TARM1: variants seen among roughly 807,000 people sequenced by gnomAD.
The protein encoded by TARM1 is T cell-interacting, activating receptor on myeloid cells 1.
In TARM1, 24 loss-of-function variants were observed where a neutral mutation model predicts 30.4. The observed-to-expected ratio is 0.79, with a 90% CI of 0.57 to 1.11. TARM1 has a LOEUF of 1.11. Among genes scored for constraint, TARM1 ranks in the 50% least tolerant of loss-of-function variants. The pLI is 0.00. For missense variants in TARM1, 323 were observed against 332.8 expected (o/e 0.97, Z 0.23); for synonymous variants, 129 against 138.9 (o/e 0.93, Z 0.50).
intron 4 of TARM1, among the ~76,000 whole-genome samples, chr19:54,071,164 G>C (rs1286593044): frequency 1.3e-5 from 2 of 152,008 alleles, no homozygotes; most frequent in Non-Finnish European, 2.9e-5. Context: ...CGCCATGTTG[G>C]CCAAACTGGT....
intron 1 of TARM1, among the ~76,000 whole-genome samples, chr19:54,079,801 A>G (rs1420453067): frequency 2.0e-5 from 3 of 151,844 alleles, no homozygotes; most frequent in Admixed American, 2.0e-4. Context: ...GAGGGAGCTC[A>G]AGACCAGCCT....
At position 54,069,948 on chromosome 19, in the gene TARM1, A is replaced by C; in HGVS notation, c.*55T>G. 1 of 1,371,654 alleles carries C rather than the reference A, an allele frequency of 7.3e-7. No homozygotes were observed. The highest frequency in any genetic ancestry group is 1.3e-5 in the South Asian group (1 of 77,476). The allele number at this position is 1,371,654 out of a possible 1,614,324, so 85.0% of individuals were successfully genotyped here. On this transcript the variant is annotated 3_prime_UTR_variant, in exon 5 of 5. Transcript: ENST00000432826. ...ACTTAGAAAGCCTCAACCCCCTGGG[A>C]ATGCAGTCCAGCAGGTTGCAGCCTC...
At chr19:54,080,508 A>AAGGG (rs1555775743) in intron 1 of TARM1, among the ~76,000 whole-genome samples, 1 of 117,396 alleles carries the variant, frequency 8.5e-6, no homozygotes, top group African/African-American at 3.7e-5. Flanking sequence ...GGAAGGAAGG[A>AAGGG]AGGAAGGAAG....
rs140669600 is a variant in TARM1, at chr19:54,076,394, G to A, written c.35-476C>T. ...TCATTCATTCCAGAGACAGAGTTGC[G>A]CTCTGTCGCCCAGGCTGGAGTAGAG... is the stretch of plus-strand genomic sequence containing the variant. On this transcript the variant is annotated intron_variant, in intron 1 of 4. Coordinates refer to ENST00000432826, the MANE Select transcript of TARM1 (RefSeq NM_001135686.3). 3.3e-3 allele frequency: 1,050 copies of A among 315,596 alleles called. 5 individuals carry two copies. The highest frequency in any genetic ancestry group is 0.013 in the Middle Eastern group (12 of 946). 19.5% of individuals were successfully genotyped at this position (315,596 alleles called of 1,614,324 possible). A position where few individuals can be genotyped will look rare whatever the true frequency, so the allele number is the denominator to read the frequency against.
At chr19:54,080,131 G>A (rs2072072725) in intron 1 of TARM1, among the ~76,000 whole-genome samples, 7 of 55,254 alleles carry the variant, frequency 1.3e-4, no homozygotes, top group African/African-American at 2.4e-4. Context: ...AAGGAAGGAA[G>A]GAAGGAAGAA....
chr19:54,070,167 G>C lies in TARM1; in HGVS notation c.659-7C>G. 6.4e-7 allele frequency: 1 copy of C among 1,551,196 alleles called. No homozygotes were observed. The highest frequency in any genetic ancestry group is 8.7e-7 in the Non-Finnish European group (1 of 1,146,674). On this transcript the variant is annotated splice_region_variant and splice_polypyrimidine_tract_variant and intron_variant, in intron 4 of 4. Coordinates refer to ENST00000432826, the MANE Select transcript of TARM1 (RefSeq NM_001135686.3). ...GATGTGGTACCTGGGGGAACTGAAA[G>C]AGAGAAGGGGCTCAGCACTGACCCT...
chr19:54,076,346 C>T (rs2071954932), intron 1 of TARM1: 1 of 847,242 alleles, frequency 1.2e-6, no homozygotes, highest in Admixed American at 3.3e-5. Flanking sequence ...TTCTTTCTTT[C>T]TTTCATTCAT....
chr19:54,072,183 C>T (rs1243421083), intron 4 of TARM1, among the ~76,000 whole-genome samples: 20 of 151,812 alleles, frequency 1.3e-4, no homozygotes, highest in African/African-American at 4.4e-4. Flanking sequence ...AGCAAGACTC[C>T]GTCTCAAACA....
intron 1 of TARM1, 120 bp from the exon 2 acceptor site, chr19:54,076,038 C>G (rs1269926890): frequency 7.0e-7 from 1 of 1,434,278 alleles, no homozygotes; most frequent in African/African-American, 1.4e-5. Context: ...AGGTCATACG[C>G]TCAGGAGTTC....
intron 4 of TARM1, among the ~76,000 whole-genome samples, chr19:54,071,144 G>A (rs1302807280): frequency 6.6e-6 from 1 of 152,010 alleles, no homozygotes; most frequent in Admixed American, 6.6e-5. Flanking sequence ...TTTTAATAGA[G>A]ATGGGTTTTC....
In TARM1 at chr19:54,074,911, C is replaced by G; in HGVS notation, c.274G>C (p.Ala92Pro). 6.4e-7 allele frequency: 1 copy of G among 1,551,654 alleles called. No individual in the cohort carries two copies. The highest frequency in any genetic ancestry group is 8.7e-7 in the Non-Finnish European group (1 of 1,146,984). The change falls in exon 3 of 5, where the codon GCT (alanine) becomes CCT (proline). Residue 92 changes from alanine to proline, a missense_variant. By Grantham distance (27) the Ala-to-Pro change is conservative (BLOSUM62 -1). Coordinates refer to ENST00000432826, the MANE Select transcript of TARM1 (RefSeq NM_001135686.3). ...FHLNNLKVRN[A>P]GEYTCEYYRK... Reference sequence around the variant, plus strand: ...TAGTATTCACAGGTGTACTCTCCAGCATTTCTGACTTTTAGATTATTGAGG... The same window carrying G: ...TAGTATTCACAGGTGTACTCTCCAGGATTTCTGACTTTTAGATTATTGAGG...
At chr19:54,071,396 G>A (rs1003650922) in intron 4 of TARM1, among the ~76,000 whole-genome samples, 3 of 151,774 alleles carry the variant, frequency 2.0e-5, no homozygotes, top group Non-Finnish European at 4.4e-5. Context: ...TTCTCCTCCC[G>A]CATCCTTATG....
Position 54,074,873 on chromosome 19 carries a change from G to A in TARM1, c.312C>T (p.Ser104=), listed in dbSNP as rs2071906325. Residue 104 remains serine (S), a synonymous_variant, in exon 3 of 5, where the codon TCC becomes TCT. Coordinates refer to ENST00000432826, the MANE Select transcript of TARM1 (RefSeq NM_001135686.3). ...EYTCEYYRKA[S]PHILSQHSDV... is the part of the protein sequence containing the mutation. ...CACTGTGCTGTGAAAGGATGTGGGG[G>A]GATGCTTTTCTGTAGTATTCACAGG... The A allele has an allele frequency of 6.4e-7, 1 of 1,551,546 alleles. No homozygotes were observed. Among genetic ancestry groups the A allele is most frequent in the East Asian group, 2.4e-5 (1 of 40,910 alleles).
rs745643672 is a variant in TARM1, at chr19:54,073,407, C to CAA, written c.658+511_658+512dup. ...CTGGCAACAGAGTGAGACTCCATTTCAAAAAAAAAAAAAAAAAAAAAAAAG... is the reference window on the plus strand; with the variant it reads ...CTGGCAACAGAGTGAGACTCCATTTCAAAAAAAAAAAAAAAAAAAAAAAAAAG... On this transcript the variant is annotated intron_variant, in intron 4 of 4. Transcript: ENST00000432826. Among the ~76,000 whole-genome samples the CAA allele has an allele frequency of 7.8e-3, 512 of 66,062 alleles. 8 individuals carry two copies. Among genetic ancestry groups the CAA allele is most frequent in the African/African-American group, 0.018 (288 of 16,344 alleles). The allele number at this position is 66,062 out of a possible 152,430, so 43.3% of individuals were successfully genotyped here.
intron 1 of TARM1, among the ~76,000 whole-genome samples, chr19:54,076,994 G>T (rs1432895573): frequency 6.6e-6 from 1 of 152,140 alleles, no homozygotes. Flanking sequence ...TCCAGAAAGG[G>T]GAAAGCATAC....
At chr19:54,076,269 C>A in intron 1 of TARM1, 1 of 1,450,796 alleles carries the variant, frequency 6.9e-7, no homozygotes, top group Non-Finnish European at 9.2e-7. Context: ...TTTTTTCTTT[C>A]TTTCATTCAT....
chr19:54,071,851 C>G (rs1364366227), intron 4 of TARM1, among the ~76,000 whole-genome samples: 6 of 150,420 alleles, frequency 4.0e-5, no homozygotes, highest in African/African-American at 1.5e-4. Flanking sequence ...AACAAACAAA[C>G]AAAACCCTAG....
intron 4 of TARM1, 88 bp from the exon 5 acceptor site, chr19:54,070,248 C>T: frequency 6.8e-7 from 1 of 1,470,810 alleles, no homozygotes. Context: ...TCATCACCCA[C>T]TTAATGTTTT....
At chr19:54,072,275 G>T (rs139250703) in intron 4 of TARM1, among the ~76,000 whole-genome samples, 33 of 152,238 alleles carry the variant, frequency 2.2e-4, no homozygotes, top group African/African-American at 7.0e-4. Flanking sequence ...CCTCTGTCTT[G>T]ATGAATGGGC....
Sources: allele counts gnomAD v4.1 joint callset (sites outside exome capture counted in the v4.1 genomes callset), GRCh38; gene constraint gnomAD v4.1.1; transcripts MANE v1.5; gene names NCBI Gene and HGNC (gene_info 2026-07-23, HGNC 2026-07-21).